Variants in XYLT1 observed in about 807,000 individuals in gnomAD.
The protein encoded by XYLT1 is xylosyltransferase 1, also known as beta-D-xylosyltransferase 1.
XYLT1 carries 36 observed loss-of-function variants against 91.3 expected under a neutral mutation model. The observed-to-expected ratio is 0.39, with a 90% CI of 0.30 to 0.52. The LOEUF (loss-of-function observed/expected upper bound fraction) is 0.52. Ranked by LOEUF, XYLT1 falls within the 20% of genes least tolerant of loss-of-function variation. XYLT1 has a pLI of 0.68. For synonymous variants in XYLT1, 588 were observed against 532.0 expected (o/e 1.11, Z -1.45); for missense variants, 1,242 against 1,284.5 (o/e 0.97, Z 0.51).
intron 3 of XYLT1, among the ~76,000 whole-genome samples, chr16:17,241,998 G>C (rs950550939): frequency 2.0e-5 from 3 of 152,236 alleles, no homozygotes; most frequent in East Asian, 1.9e-4. Context: ...GCAGGCAAGA[G>C]ATAACTTCAG....
chr16:17,247,114 T>C (rs2033447579), intron 3 of XYLT1, among the ~76,000 whole-genome samples: 1 of 152,062 alleles, frequency 6.6e-6, no homozygotes, highest in Non-Finnish European at 1.5e-5. Flanking sequence ...GAGAGATAGC[T>C]AGTCTTTTCA....
intron 2 of XYLT1, among the ~76,000 whole-genome samples, chr16:17,299,883 G>C (rs922723006): frequency 2.0e-5 from 3 of 152,196 alleles, no homozygotes; most frequent in Non-Finnish European, 4.4e-5. Flanking sequence ...GATAAGCTAT[G>C]ATGCTGCTTT....
intron 6 of XYLT1, among the ~76,000 whole-genome samples, chr16:17,158,143 A>T (rs899171285): frequency 1.4e-4 from 22 of 152,376 alleles, no homozygotes; most frequent in African/African-American, 4.6e-4. Flanking sequence ...ATGGACCATC[A>T]TGGAGACTTG....
intron 1 of XYLT1, among the ~76,000 whole-genome samples, chr16:17,468,630 C>T (rs2036933160): frequency 6.6e-6 from 1 of 152,184 alleles, no homozygotes; most frequent in Admixed American, 6.5e-5. Flanking sequence ...CAGAGAGGGG[C>T]TGGGGGTGGA....
At chr16:17,216,482 A>T (rs996453389) in intron 3 of XYLT1, among the ~76,000 whole-genome samples, 1 of 152,200 alleles carries the variant, frequency 6.6e-6, no homozygotes, top group African/African-American at 2.4e-5. Flanking sequence ...AACCATAAAT[A>T]TGTTCTGCAG....
Position 17,253,823 on chromosome 16 carries a change from TGAGAGAGAGAGAGA to T in XYLT1, c.913+5151_913+5164del, listed in dbSNP as rs3060128. 3.7e-4 allele frequency among the ~76,000 whole-genome samples: 43 copies of T among 114,888 alleles called. 1 individual carries two copies. The highest frequency in any genetic ancestry group is 3.4e-3 in the East Asian group (14 of 4,066). 75.4% of individuals were successfully genotyped at this position (114,888 alleles called of 152,430 possible). ...CCCTGCCTTCTTCTCCCTTGCAACT[TGAGAGAGAGAGAGA>T]GAGAGAGAGAGAGAGAGAGAGAGAG... On this transcript the variant is annotated intron_variant, in intron 3 of 11. Coordinates refer to ENST00000261381, the MANE Select transcript of XYLT1 (RefSeq NM_022166.4).
intron 2 of XYLT1, among the ~76,000 whole-genome samples, chr16:17,347,249 T>A (rs918069740): frequency 7.9e-5 from 12 of 152,190 alleles, no homozygotes; most frequent in Admixed American, 2.6e-4. Flanking sequence ...ATAACCTGTC[T>A]TCTCTGTCTG....
chr16:17,269,787 C>T (rs2033858731), intron 2 of XYLT1, among the ~76,000 whole-genome samples: 1 of 101,460 alleles, frequency 9.9e-6, no homozygotes, highest in African/African-American at 4.5e-5. Context: ...CTCTCTCCTT[C>T]TCCCTTTATT....
chr16:17,308,002 A>G (rs2034492541), intron 2 of XYLT1, among the ~76,000 whole-genome samples: 1 of 151,954 alleles, frequency 6.6e-6, no homozygotes, highest in South Asian at 2.1e-4. Context: ...TCCATTCCCC[A>G]CTCTCCATGA....
At chr16:17,229,535 G>C (rs1002446357) in intron 3 of XYLT1, among the ~76,000 whole-genome samples, 3 of 152,204 alleles carry the variant, frequency 2.0e-5, no homozygotes, top group African/African-American at 7.2e-5. Context: ...GCCACACTGG[G>C]CTACCCATGT....
At position 17,117,782 on chromosome 16, in the gene XYLT1, G is replaced by A. The variant is rs745406512; in HGVS notation, c.2421C>T (p.His807=). The part of the protein sequence containing the change: ...ILIESTAEFT[H]YKPPLNLPLR... ...GGGGCAAGTTCAAAGGGGGCTTGTAGTGTGTGAATTCGGCAGTGGACTCAA... is the reference window on the plus strand; with the variant it reads ...GGGGCAAGTTCAAAGGGGGCTTGTAATGTGTGAATTCGGCAGTGGACTCAA... Residue 807 remains histidine (H), a synonymous_variant, in exon 11 of 12, where the codon CAC becomes CAT. Transcript: ENST00000261381. 3.1e-6 allele frequency: 5 copies of A among 1,614,206 alleles called. No individual in the cohort carries two copies. The South Asian group carries it at 5.5e-5, about 18-fold the overall frequency.
chr16:17,400,362 G>A (rs1023949973), intron 1 of XYLT1, among the ~76,000 whole-genome samples: 10 of 152,102 alleles, frequency 6.6e-5, no homozygotes, highest in African/African-American at 2.4e-4. Context: ...AGGCCAAGGT[G>A]GGCAGATTAT....
At chr16:17,326,620 G>A (rs890179667) in intron 2 of XYLT1, among the ~76,000 whole-genome samples, 2 of 151,900 alleles carry the variant, frequency 1.3e-5, no homozygotes, top group African/African-American at 4.8e-5. Context: ...TCAGGAGATC[G>A]AGACCATCCT....
At chr16:17,303,390 G>T (rs1396722531) in intron 2 of XYLT1, among the ~76,000 whole-genome samples, 1 of 152,248 alleles carries the variant, frequency 6.6e-6, no homozygotes. Context: ...CAAAGGCTCA[G>T]ATATTTACTA....
At chr16:17,351,772 A>T (rs2035224348) in intron 2 of XYLT1, among the ~76,000 whole-genome samples, 1 of 146,436 alleles carries the variant, frequency 6.8e-6, no homozygotes, top group African/African-American at 2.7e-5. Flanking sequence ...TTTCCTGTGC[A>T]TTATGGGATG....
intron 3 of XYLT1, among the ~76,000 whole-genome samples, chr16:17,202,248 G>A (rs2032556566): frequency 2.0e-5 from 3 of 152,280 alleles, no homozygotes; most frequent in East Asian, 1.9e-4. Context: ...CATCTAAACC[G>A]GGAGAACTGA....
At chr16:17,111,075 G>A (rs754830989) in intron 11 of XYLT1, among the ~76,000 whole-genome samples, 15 of 152,086 alleles carry the variant, frequency 9.9e-5, no homozygotes, top group Admixed American at 2.6e-4. Flanking sequence ...CAGGAGAATC[G>A]TTTGAACCTG....
intron 3 of XYLT1, among the ~76,000 whole-genome samples, chr16:17,217,795 G>C (rs557006601): frequency 1.3e-5 from 2 of 152,144 alleles, no homozygotes; most frequent in Admixed American, 6.6e-5. Context: ...CAGGTGATCT[G>C]ATGCAAACCA....
intron 2 of XYLT1, among the ~76,000 whole-genome samples, chr16:17,327,449 G>A (rs2034824746): frequency 7.0e-6 from 1 of 141,922 alleles, no homozygotes; most frequent in Non-Finnish European, 1.5e-5. Flanking sequence ...TGCAAGCTCC[G>A]CCCCCCGGGT....
Sources: gnomAD v4.1 joint callset for allele counts (sites outside exome capture counted in the v4.1 genomes callset) on GRCh38, gnomAD v4.1.1 for gene constraint, MANE v1.5 for transcripts, NCBI Gene and HGNC (gene_info 2026-07-23, HGNC 2026-07-21) for gene names.